RGS6: variants seen among roughly 807,000 people sequenced by gnomAD.
The protein encoded by RGS6 is regulator of G protein signaling 6.
RGS6 carries 30 observed loss-of-function variants against 78.5 expected under a neutral mutation model. That is an observed-to-expected ratio of 0.38 (90% CI 0.29 to 0.52). RGS6 has a LOEUF of 0.52. Among genes scored for constraint, RGS6 ranks in the 20% least tolerant of loss-of-function variants. The probability of loss-of-function intolerance (pLI) is 0.85; values close to 1 mark genes in which losing one functional copy is unlikely to be tolerated. For synonymous variants in RGS6, 206 were observed against 206.0 expected, an observed-to-expected ratio of 1.00 and a Z score of 0.00; for missense variants, 495 against 609.7, an observed-to-expected ratio of 0.81 and a Z score of 1.98.
intron 2 of RGS6, among the ~76,000 whole-genome samples, chr14:72,255,568 C>T (rs1005399837): frequency 1.1e-4 from 17 of 151,988 alleles, no homozygotes; most frequent in African/African-American, 4.1e-4. Context: ...TCATTGGTTC[C>T]CAGAGATGGA....
chr14:72,168,209 C>A (rs1246403079), intron 2 of RGS6, among the ~76,000 whole-genome samples: 1 of 152,172 alleles, frequency 6.6e-6, no homozygotes, highest in African/African-American at 2.4e-5. Flanking sequence ...CCCTTTCATG[C>A]AGCACCTGGT....
chr14:72,616,038 G>A, the RGS6 span, among the ~76,000 whole-genome samples: 1 of 152,196 alleles, frequency 6.6e-6, no homozygotes, highest in South Asian at 2.1e-4. Context: ...GGTGGCCTCT[G>A]CAGAAAATGA....
chr14:72,557,374 C>G (rs2153545347), intron 17 of RGS6, among the ~76,000 whole-genome samples: 2 of 152,308 alleles, frequency 1.3e-5, no homozygotes, highest in Admixed American at 1.3e-4. Flanking sequence ...TTTGCATTCC[C>G]TTTTAAAATC....
intron 2 of RGS6, among the ~76,000 whole-genome samples, chr14:72,139,702 G>C (rs1238764081): frequency 1.3e-5 from 2 of 152,118 alleles, no homozygotes; most frequent in African/African-American, 4.8e-5. Context: ...GTTCTGCCTA[G>C]GAACCAGGGA....
Position 72,258,339 on chromosome 14 carries a change from C to T in RGS6, c.85-93756C>T, listed in dbSNP as rs149698864. 4.5e-3 allele frequency among the ~76,000 whole-genome samples: 691 copies of T among 152,338 alleles called. 1 individual carries two copies. The highest frequency in any genetic ancestry group is 8.9e-3 in the South Asian group (43 of 4,826). On this transcript the variant is annotated intron_variant, in intron 2 of 17. Transcript: ENST00000553525. The stretch of plus-strand genomic sequence containing the variant: ...TTCTCAAACTGGGGTGTCAGTTCCA[C>T]GTCTAGCCCATTAATTTGTTGCCAT...
intron 3 of RGS6, among the ~76,000 whole-genome samples, chr14:72,454,211 T>C (rs993823140): frequency 6.6e-6 from 1 of 152,190 alleles, no homozygotes; most frequent in Non-Finnish European, 1.5e-5. Flanking sequence ...CTTCAAGAAA[T>C]GGTCTGGGGG....
At chr14:72,562,352 G>A in intron 17 of RGS6, 65 bp from the exon 18 acceptor site, 3 of 1,512,218 alleles carry the variant, frequency 2.0e-6, no homozygotes, top group Non-Finnish European at 2.7e-6. Flanking sequence ...CACCTGTCTG[G>A]CTCTCTGTCT....
intron 2 of RGS6, among the ~76,000 whole-genome samples, chr14:72,018,246 G>A (rs568166360): frequency 6.6e-6 from 1 of 152,166 alleles, no homozygotes; most frequent in African/African-American, 2.4e-5. Context: ...TTTATCAAAT[G>A]TAGTTTTGGC....
At chr14:72,164,075 G>T (rs1381096226) in intron 2 of RGS6, among the ~76,000 whole-genome samples, 1 of 152,036 alleles carries the variant, frequency 6.6e-6, no homozygotes, top group Admixed American at 6.6e-5. Context: ...GTTTTGTGGG[G>T]GAAATAATGT....
chr14:72,479,880 G>T (rs966065569), intron 12 of RGS6, among the ~76,000 whole-genome samples: 3 of 152,190 alleles, frequency 2.0e-5, no homozygotes, highest in African/African-American at 4.8e-5. Context: ...GACAGAAATG[G>T]CTGTCCTAGT....
intron 7 of RGS6, among the ~76,000 whole-genome samples, chr14:72,469,363 T>C (rs961239569): frequency 1.3e-5 from 2 of 152,164 alleles, no homozygotes; most frequent in African/African-American, 2.4e-5. Flanking sequence ...CCTGCCACCA[T>C]GCCCAGCTAA....
the RGS6 span, among the ~76,000 whole-genome samples, chr14:72,599,172 C>A: frequency 6.6e-6 from 1 of 152,124 alleles, no homozygotes; most frequent in Non-Finnish European, 1.5e-5. Context: ...AACTCTTTCC[C>A]CAACAAAATT....
the RGS6 span, among the ~76,000 whole-genome samples, chr14:71,879,171 G>T: frequency 6.6e-6 from 1 of 152,010 alleles, no homozygotes; most frequent in East Asian, 1.9e-4. Flanking sequence ...AACTCAATAT[G>T]GATTTATAGA....
chr14:72,302,205 T>G (rs961784620), intron 2 of RGS6, among the ~76,000 whole-genome samples: 3 of 152,208 alleles, frequency 2.0e-5, no homozygotes, highest in Non-Finnish European at 2.9e-5. Flanking sequence ...TGCCATTTAT[T>G]GAGTGGTAAT....
At chr14:72,612,744 C>T in the RGS6 span, 1 of 392,858 alleles carries the variant, frequency 2.5e-6, no homozygotes, top group Non-Finnish European at 5.1e-6. Context: ...AAGTACCCAA[C>T]TATTGCCAAA....
intron 2 of RGS6, among the ~76,000 whole-genome samples, chr14:72,054,801 CTACATG>C (rs2093531755): frequency 6.6e-6 from 1 of 152,180 alleles, no homozygotes; most frequent in South Asian, 2.1e-4. Flanking sequence ...CCCTACATAT[CTACATG>C]TAGCCTTAAG....
chr14:72,256,136 A>C (rs921007702), intron 2 of RGS6, among the ~76,000 whole-genome samples: 13 of 152,214 alleles, frequency 8.5e-5, no homozygotes, highest in Admixed American at 8.5e-4. Flanking sequence ...AATGAGAGGC[A>C]TTTCTCAAAT....
chr14:72,152,017 G>A (rs1003713168), intron 2 of RGS6, among the ~76,000 whole-genome samples: 2 of 152,138 alleles, frequency 1.3e-5, no homozygotes, highest in African/African-American at 2.4e-5. Context: ...TGGGTTGACT[G>A]CTTAGTTTCC....
intron 2 of RGS6, among the ~76,000 whole-genome samples, chr14:71,981,426 A>T (rs1175724427): frequency 6.6e-6 from 1 of 152,072 alleles, no homozygotes; most frequent in Non-Finnish European, 1.5e-5. Context: ...ATGGTGATGT[A>T]CAGATGTTTT....
Sources: gnomAD v4.1 joint callset for allele counts (sites outside exome capture counted in the v4.1 genomes callset) on GRCh38, gnomAD v4.1.1 for gene constraint, MANE v1.5 for transcripts, NCBI Gene and HGNC (gene_info 2026-07-23, HGNC 2026-07-21) for gene names.